The following IL7 variants were observed in gnomAD, a reference collection of about 807,000 sequenced individuals.
IL7 encodes the protein interleukin-7.
Under a neutral mutation model 21.6 loss-of-function variants are expected in IL7, and 3 were observed. The observed-to-expected ratio is 0.14, with a 90% confidence interval of 0.06 to 0.36. The LOEUF is 0.36. IL7 is among the 10% of genes least tolerant of loss of function. The pLI, the probability that IL7 is intolerant of heterozygous loss-of-function variation, is 1.00. For missense variants in IL7, 175 were observed against 200.2 expected, an observed-to-expected ratio of 0.87 and a Z score of 0.76; for synonymous variants, 62 against 68.1, an observed-to-expected ratio of 0.91 and a Z score of 0.44.
intron 3 of IL7, among the ~76,000 whole-genome samples, chr8:78,722,994 AAAT>A (rs1426645526): frequency 6.6e-6 from 1 of 151,226 alleles, no homozygotes; most frequent in African/African-American, 2.4e-5. Flanking sequence ...AAAACTGTAA[AAAT>A]AATAACCATA....
chr8:78,743,558 A>G (rs551113717), intron 2 of IL7, among the ~76,000 whole-genome samples: 1 of 151,816 alleles, frequency 6.6e-6, no homozygotes, highest in Admixed American at 6.6e-5. Flanking sequence ...TGTTTGGTCT[A>G]TTCTACTATT....
chr8:78,693,339 G>C (rs1435910004), intron 3 of IL7, among the ~76,000 whole-genome samples: 1 of 151,720 alleles, frequency 6.6e-6, no homozygotes, highest in Non-Finnish European at 1.5e-5. Context: ...CTAGTTTACA[G>C]TCCCACCAAC....
chr8:78,721,183 A>G (rs2130631768), intron 4 of IL7: 1 of 152,182 alleles, frequency 6.6e-6, no homozygotes, highest in Admixed American at 6.5e-5. Flanking sequence ...ATTTATTTTA[A>G]TGGAACTTTT....
chr8:78,697,526 A>C (rs377605327), intron 3 of IL7: 5 of 1,590,744 alleles, frequency 3.1e-6, no homozygotes, highest in Non-Finnish European at 4.3e-6. Flanking sequence ...GCCGAAAAGC[A>C]ACTTGATTTG....
At chr8:78,758,431 C>T (rs971495173) in intron 2 of IL7, among the ~76,000 whole-genome samples, 5 of 152,000 alleles carry the variant, frequency 3.3e-5, no homozygotes, top group African/African-American at 1.2e-4. Flanking sequence ...ATTAGTGTAT[C>T]TGCTCTACCC....
chr8:78,725,991 A>G lies in IL7; in HGVS notation n.268-4551T>C, dbSNP rs1477302424. ...CTGTTTTTTTTTAAGTTCACATCCTAATAGATGAAGATTGAAAAGAAATAT... is the reference window on the plus strand; with the variant it reads ...CTGTTTTTTTTTAAGTTCACATCCTGATAGATGAAGATTGAAAAGAAATAT... On this transcript the variant is annotated intron_variant and non_coding_transcript_variant, in intron 3 of 6. Transcript: ENST00000519833. 2.0e-5 allele frequency among the ~76,000 whole-genome samples: 3 copies of G among 151,966 alleles called. No individual in the cohort carries two copies. The East Asian group carries it at 5.8e-4, about 29-fold the overall frequency.
chr8:78,786,215 C>T (rs1813505234), intron 2 of IL7, among the ~76,000 whole-genome samples: 1 of 152,160 alleles, frequency 6.6e-6, no homozygotes, highest in African/African-American at 2.4e-5. Flanking sequence ...TAGCCTATTA[C>T]ATACCTAGGC....
intron 4 of IL7, chr8:78,679,233 G>A (rs929108499): frequency 1.7e-4 from 26 of 152,094 alleles, no homozygotes; most frequent in African/African-American, 6.0e-4. Context: ...TGAAACCAAA[G>A]CAATGAATCT....
intron 4 of IL7, among the ~76,000 whole-genome samples, chr8:78,676,746 G>T (rs1026748362): frequency 6.6e-6 from 1 of 151,718 alleles, no homozygotes; most frequent in Non-Finnish European, 1.5e-5. Flanking sequence ...AAAACATCTT[G>T]CCCACACATT....
chr8:78,773,908 A>C (rs558565836), intron 2 of IL7, among the ~76,000 whole-genome samples: 22 of 152,234 alleles, frequency 1.4e-4, no homozygotes, highest in African/African-American at 5.1e-4. Flanking sequence ...ATTCTGCCTC[A>C]TTGCAAATAT....
chr8:78,760,670 A>T, intron 2 of IL7: 1 of 1,594,322 alleles, frequency 6.3e-7, no homozygotes, highest in Non-Finnish European at 8.5e-7. Context: ...TTCCTGAATA[A>T]TGTGCTCCAC....
At chr8:78,717,370 T>G (rs1170447225), downstream of IL7, 1 of 1,613,356 alleles carries the variant, frequency 6.2e-7, no homozygotes, top group African/African-American at 1.3e-5. Flanking sequence ...GTGGAAATAT[T>G]AAAGGCATTG....
chr8:78,712,898 G>A (rs1362597963), intron 3 of IL7, among the ~76,000 whole-genome samples: 1 of 152,182 alleles, frequency 6.6e-6, no homozygotes, highest in African/African-American at 2.4e-5. Context: ...CAGTATGTAT[G>A]TATGAAAAGT....
intron 2 of IL7, among the ~76,000 whole-genome samples, chr8:78,792,206 C>A (rs187458200): frequency 6.9e-4 from 105 of 152,108 alleles, no homozygotes; most frequent in African/African-American, 2.4e-3. Context: ...TTTTCAATAT[C>A]AGATGCAGGA....
At chr8:78,769,470 C>A (rs1469249649) in intron 2 of IL7, among the ~76,000 whole-genome samples, 2 of 152,110 alleles carry the variant, frequency 1.3e-5, no homozygotes, top group African/African-American at 4.8e-5. Context: ...AGGAATCCAA[C>A]TTACAAGGGA....
chr8:78,750,923 A>G (rs990467064), intron 2 of IL7, among the ~76,000 whole-genome samples: 1 of 152,218 alleles, frequency 6.6e-6, no homozygotes, highest in African/African-American at 2.4e-5. Flanking sequence ...AGGAAATTTA[A>G]GCAGAGAGAT....
At chr8:78,791,927 T>C (rs557567224) in intron 2 of IL7, among the ~76,000 whole-genome samples, 2 of 152,256 alleles carry the variant, frequency 1.3e-5, no homozygotes, top group South Asian at 4.1e-4. Context: ...CTATTTAATA[T>C]ACTAATCCCT....
At chr8:78,782,145 A>T (rs1282277423) in intron 2 of IL7, among the ~76,000 whole-genome samples, 1 of 152,064 alleles carries the variant, frequency 6.6e-6, no homozygotes, top group Non-Finnish European at 1.5e-5. Flanking sequence ...ACTTCTTTGC[A>T]TTGGGTTAGG....
chr8:78,773,108 C>T (rs1813014116), intron 2 of IL7, among the ~76,000 whole-genome samples: 1 of 152,158 alleles, frequency 6.6e-6, no homozygotes, highest in African/African-American at 2.4e-5. Context: ...TATTCTAGTT[C>T]AGGTGGCTGG....
Sources: allele counts gnomAD v4.1 joint callset (sites outside exome capture counted in the v4.1 genomes callset), GRCh38; gene constraint gnomAD v4.1.1; transcripts MANE v1.5; gene names NCBI Gene and HGNC (gene_info 2026-07-23, HGNC 2026-07-21).